Variants in CREB1 observed in about 807,000 individuals in gnomAD.
CREB1 encodes the protein cyclic AMP-responsive element-binding protein 1.
CREB1 carries 2 observed loss-of-function variants against 42.0 expected under a neutral mutation model. The observed-to-expected ratio is 0.05, with a 90% CI of 0.02 to 0.15. The LOEUF is 0.15. Among genes scored for constraint, CREB1 ranks in the 10% least tolerant of loss-of-function variants. CREB1 has a pLI of 1.00. For missense variants in CREB1, 199 were observed against 388.9 expected, an observed-to-expected ratio of 0.51 and a Z score of 4.11; for synonymous variants, 123 against 139.9, an observed-to-expected ratio of 0.88 and a Z score of 0.85.
At chr2:207,555,844 A>G (rs2081697851) in intron 2 of CREB1, 95 bp downstream of exon 2, 3 of 694,786 alleles carry the variant, frequency 4.3e-6, no homozygotes, top group Non-Finnish European at 7.6e-6. Flanking sequence ...TATACATAGA[A>G]TGAGCAGAGA....
Position 207,590,724 on chromosome 2 carries a change from A to G in CREB1, c.840-6190A>G, listed in dbSNP as rs201205820. ...CACAACTACTCAACTCTGCCGTTGTAATACCAAAGCAGCGATGGATAATAC... is the reference window on the plus strand; with the variant it reads ...CACAACTACTCAACTCTGCCGTTGTGATACCAAAGCAGCGATGGATAATAC... On this transcript the variant is annotated intron_variant, in intron 7 of 7. Transcript: ENST00000353267. 7.2e-5 allele frequency among the ~76,000 whole-genome samples: 11 copies of G among 152,270 alleles called. No homozygotes were observed. The East Asian group carries it at 1.5e-3, about 21-fold the overall frequency.
intron 3 of CREB1, among the ~76,000 whole-genome samples, chr2:207,566,039 G>GT (rs1244390475): frequency 1.3e-5 from 2 of 152,068 alleles, no homozygotes; most frequent in Non-Finnish European, 1.5e-5. Flanking sequence ...CTTTTTATCT[G>GT]TCATTTGTGA....
chr2:207,601,181 G>T lies in CREB1; in HGVS notation c.*4123G>T, dbSNP rs1423225333. The T allele has an allele frequency of 5.4e-6, 1 of 185,270 alleles. No homozygotes were observed. Among genetic ancestry groups the T allele is most frequent in the African/African-American group, 2.3e-5 (1 of 42,634 alleles). The allele number at this position is 185,270 out of a possible 1,614,324, so 11.5% of individuals were successfully genotyped here. On this transcript the variant is annotated 3_prime_UTR_variant, in exon 8 of 8. Transcript: ENST00000353267. Reference sequence around the variant, plus strand: ...CTGTTGGTATATTTTTTCCCTCATGGACCCAATAGAAAAGTTGTATATTTA... The same window carrying T: ...CTGTTGGTATATTTTTTCCCTCATGTACCCAATAGAAAAGTTGTATATTTA...
At chr2:207,588,728 GTT>G (rs58013876) in intron 7 of CREB1, among the ~76,000 whole-genome samples, 50,083 of 134,562 alleles carry the variant, frequency 0.37, 10,782 homozygotes, top group East Asian at 0.63. Flanking sequence ...CTGTTTTCTG[GTT>G]TTTTTTTTTT....
chr2:207,588,753 G>A (rs1179346056), intron 7 of CREB1, among the ~76,000 whole-genome samples: 3 of 150,106 alleles, frequency 2.0e-5, no homozygotes, highest in Admixed American at 2.0e-4. Context: ...GTGTGTGGGG[G>A]TGGGGGGACA....
intron 2 of CREB1, among the ~76,000 whole-genome samples, chr2:207,557,559 G>A (rs902283335): frequency 2.6e-5 from 4 of 152,028 alleles, no homozygotes; most frequent in Non-Finnish European, 4.4e-5. Flanking sequence ...ATGGGCTCCT[G>A]TAGTCCCAGC....
chr2:207,597,147 A>G lies in CREB1; in HGVS notation c.*89A>G. The G allele has an allele frequency of 7.1e-7, 1 of 1,406,540 alleles. No individual in the cohort carries two copies. The allele number at this position is 1,406,540 out of a possible 1,614,324, so 87.1% of individuals were successfully genotyped here. On this transcript the variant is annotated 3_prime_UTR_variant, in exon 8 of 8. Coordinates refer to ENST00000353267, the MANE Select transcript of CREB1 (RefSeq NM_004379.5). ...ACAAAATAAACATTTTATTTTCTAA[A>G]CATTTCTTTTTTTCTATGCGCAAAA... is the stretch of plus-strand genomic sequence containing the variant.
chr2:207,586,388 A>G (rs1170285068), intron 7 of CREB1, among the ~76,000 whole-genome samples: 1 of 152,156 alleles, frequency 6.6e-6, no homozygotes, highest in Non-Finnish European at 1.5e-5. Context: ...GAAACTAGAT[A>G]CCTATCACCA....
intron 4 of CREB1, among the ~76,000 whole-genome samples, chr2:207,568,613 C>T (rs1243629297): frequency 6.6e-6 from 1 of 152,028 alleles, no homozygotes; most frequent in Non-Finnish European, 1.5e-5. Flanking sequence ...ATTTATGTGA[C>T]TAAGCACATG....
Position 207,597,292 on chromosome 2 carries a change from G to A in CREB1, c.*234G>A, listed in dbSNP as rs1381377286. On this transcript the variant is annotated 3_prime_UTR_variant, in exon 8 of 8. Coordinates refer to ENST00000353267, the MANE Select transcript of CREB1 (RefSeq NM_004379.5). ...TTTTCAACGCCAGGAATCATGAAGA[G>A]ACTTCTGCTTTTCAACCCCCACCCT... 1 of 423,778 alleles carries A rather than the reference G, an allele frequency of 2.4e-6. No individual in the cohort carries two copies. Among genetic ancestry groups the A allele is most frequent in the Non-Finnish European group, 4.1e-6 (1 of 243,316 alleles). 26.3% of individuals were successfully genotyped at this position (423,778 alleles called of 1,614,324 possible). A position where few individuals can be genotyped will look rare whatever the true frequency, so the allele number is the denominator to read the frequency against.
chr2:207,598,287 A>AT lies in CREB1; in HGVS notation c.*1236dup, dbSNP rs559214205. On this transcript the variant is annotated 3_prime_UTR_variant, in exon 8 of 8. Coordinates refer to ENST00000353267, the MANE Select transcript of CREB1 (RefSeq NM_004379.5). ...ATTTGGATTGTCATTCTTACAAAAC[A>AT]TTTTTTTGTTCTCTTGTAAAAAGAG... The AT allele has an allele frequency of 1.6e-4, 30 of 183,232 alleles. No individual in the cohort carries two copies. The highest frequency in any genetic ancestry group is 2.4e-4 in the Non-Finnish European group (21 of 86,168). The allele number at this position is 183,232 out of a possible 1,614,324, so 11.4% of individuals were successfully genotyped here. A position where few individuals can be genotyped will look rare whatever the true frequency, so the allele number is the denominator to read the frequency against.
intron 2 of CREB1, among the ~76,000 whole-genome samples, chr2:207,557,850 G>A (rs1347318244): frequency 6.6e-6 from 1 of 152,086 alleles, no homozygotes; most frequent in Non-Finnish European, 1.5e-5. Context: ...GTGTAGAAAA[G>A]GGATTATTCA....
chr2:207,556,417 A>G (rs1216031640), intron 2 of CREB1, among the ~76,000 whole-genome samples: 1 of 152,234 alleles, frequency 6.6e-6, no homozygotes, highest in Non-Finnish European at 1.5e-5. Flanking sequence ...CCTGCTAGGT[A>G]ATAGTGTGAT....
chr2:207,597,132 C>T lies in CREB1; in HGVS notation c.*74C>T. 1 of 1,430,920 alleles carries T rather than the reference C, an allele frequency of 7.0e-7. No homozygotes were observed. Among genetic ancestry groups the T allele is most frequent in the Non-Finnish European group, 9.3e-7 (1 of 1,069,754 alleles). 88.6% of individuals were successfully genotyped at this position (1,430,920 alleles called of 1,614,324 possible). ...GCCACAACCTGAAAGACAAAATAAA[C>T]ATTTTATTTTCTAAACATTTCTTTT... On this transcript the variant is annotated 3_prime_UTR_variant, in exon 8 of 8. Transcript: ENST00000353267.
chr2:207,589,914 G>C (rs1362997416), intron 7 of CREB1, among the ~76,000 whole-genome samples: 1 of 151,926 alleles, frequency 6.6e-6, no homozygotes, highest in Non-Finnish European at 1.5e-5. Flanking sequence ...TAGTTTCTTT[G>C]CCGTGAGTTT....
chr2:207,576,861 T>C, intron 6 of CREB1: 1 of 953,786 alleles, frequency 1.0e-6, no homozygotes, highest in Non-Finnish European at 1.2e-6. Context: ...GTTTGACAAA[T>C]AGTGATTGTG....
rs562902268 is a variant in CREB1 at position 207,552,345 on chromosome 2, TTAAG to T, written c.-8-3280_-8-3277del. Among the ~76,000 whole-genome samples, 14 of 152,168 alleles carry T rather than the reference TTAAG, an allele frequency of 9.2e-5. No homozygotes were observed. The East Asian group carries it at 9.7e-4, about 11-fold the overall frequency. On this transcript the variant is annotated intron_variant, in intron 1 of 7. Coordinates refer to ENST00000353267, the MANE Select transcript of CREB1 (RefSeq NM_004379.5). ...TCTATACCTTAAATGTCAAAAAAGA[TTAAG>T]TAGTCTCAATGTGTTGTAAATAAAA... is the stretch of plus-strand genomic sequence containing the variant.
rs987493261 is a variant in CREB1, at chr2:207,601,652, T to A, written c.*4594T>A. On this transcript the variant is annotated 3_prime_UTR_variant, in exon 8 of 8. Transcript: ENST00000353267. ...TAATTTGTCTAGAATAGTACAAGAC[T>A]TTTTAAAGCAATTGTCCTCACAGAG... The A allele has an allele frequency of 9.4e-6, 2 of 212,370 alleles. No homozygotes were observed. Among genetic ancestry groups the A allele is most frequent in the Admixed American group, 1.2e-4 (2 of 17,030 alleles). 13.2% of individuals were successfully genotyped at this position (212,370 alleles called of 1,614,324 possible). A position where few individuals can be genotyped will look rare whatever the true frequency, so the allele number is the denominator to read the frequency against.
chr2:207,603,528 A>AT lies in CREB1; in HGVS notation c.*6471dup, dbSNP rs1453543288. ...GTTTTATTGGACTTAAAGTTACAATATATTACAAGCTTGTGTTGGAAGGCA... is the reference window on the plus strand; with the variant it reads ...GTTTTATTGGACTTAAAGTTACAATATTATTACAAGCTTGTGTTGGAAGGCA... On this transcript the variant is annotated 3_prime_UTR_variant, in exon 8 of 8. Transcript: ENST00000353267. 1 of 224,284 alleles carries AT rather than the reference A, an allele frequency of 4.5e-6. No individual in the cohort carries two copies. Among genetic ancestry groups the AT allele is most frequent in the Non-Finnish European group, 8.9e-6 (1 of 112,522 alleles). The allele number at this position is 224,284 out of a possible 1,614,324, so 13.9% of individuals were successfully genotyped here. A position where few individuals can be genotyped will look rare whatever the true frequency, so the allele number is the denominator to read the frequency against.
Sources: gnomAD v4.1 joint callset for allele counts (sites outside exome capture counted in the v4.1 genomes callset) on GRCh38, gnomAD v4.1.1 for gene constraint, MANE v1.5 for transcripts, NCBI Gene and HGNC (gene_info 2026-07-23, HGNC 2026-07-21) for gene names.